Variants in SDK1 observed in about 807,000 individuals in gnomAD.
SDK1 encodes the protein protein sidekick-1.
Under a neutral mutation model 245.5 loss-of-function variants are expected in SDK1, and 157 were observed. The observed-to-expected ratio is 0.64, with a 90% CI of 0.56 to 0.73. The LOEUF is 0.73. Among genes scored for constraint, SDK1 ranks in the 30% least tolerant of loss-of-function variants. The pLI, the probability that SDK1 is intolerant of heterozygous loss-of-function variation, is 0.00. For synonymous variants in SDK1, 1,647 were observed against 1,278.5 expected (o/e 1.29, Z -6.15); for missense variants, 3,583 against 3,002.3 (o/e 1.19, Z -4.52).
intron 14 of SDK1, among the ~76,000 whole-genome samples, chr7:3,987,879 C>T (rs1257928127): frequency 6.6e-6 from 1 of 152,178 alleles, no homozygotes; most frequent in African/African-American, 2.4e-5. Context: ...CTTCTCTTCC[C>T]AGCTGGCTGG....
chr7:3,331,005 G>A (rs915581363), intron 1 of SDK1, among the ~76,000 whole-genome samples: 4 of 151,582 alleles, frequency 2.6e-5, no homozygotes, highest in South Asian at 2.1e-4. Context: ...AGTGGCTCAC[G>A]TCTGTAATCC....
At chr7:3,920,856 G>A (rs913919498) in intron 5 of SDK1, among the ~76,000 whole-genome samples, 11 of 152,176 alleles carry the variant, frequency 7.2e-5, no homozygotes, top group East Asian at 1.9e-4. Flanking sequence ...GATGGATCTC[G>A]CAATTGAGTG....
chr7:3,565,069 A>G (rs1779867549), intron 1 of SDK1, among the ~76,000 whole-genome samples: 1 of 151,732 alleles, frequency 6.6e-6, no homozygotes, highest in Admixed American at 6.6e-5. Flanking sequence ...ATGACAATCC[A>G]GGAGACAGGA....
chr7:3,512,396 C>T (rs1114778), intron 1 of SDK1, among the ~76,000 whole-genome samples: 11 of 151,924 alleles, frequency 7.2e-5, no homozygotes, highest in East Asian at 1.9e-4. Context: ...TCCAAGTTTT[C>T]GCAATTATGA....
At chr7:3,637,569 T>C (rs1250250150) in intron 2 of SDK1, among the ~76,000 whole-genome samples, 1 of 152,236 alleles carries the variant, frequency 6.6e-6, no homozygotes, top group East Asian at 1.9e-4. Flanking sequence ...TACCTATCTT[T>C]ACTTGCTGGT....
intron 1 of SDK1, among the ~76,000 whole-genome samples, chr7:3,477,674 C>G (rs997699897): frequency 6.6e-6 from 1 of 151,954 alleles, no homozygotes; most frequent in African/African-American, 2.4e-5. Flanking sequence ...CTACCACACC[C>G]AGCTAATTTT....
At chr7:3,867,267 A>G (rs1780844293) in intron 5 of SDK1, among the ~76,000 whole-genome samples, 1 of 152,184 alleles carries the variant, frequency 6.6e-6, no homozygotes, top group Admixed American at 6.5e-5. Context: ...AGGAGAGAGA[A>G]AGAGTGGACT....
intron 5 of SDK1, among the ~76,000 whole-genome samples, chr7:3,829,639 C>G (rs1779865930): frequency 6.6e-6 from 1 of 152,106 alleles, no homozygotes. Flanking sequence ...CTCTTGAGGT[C>G]AAAACGTGTC....
chr7:3,794,975 C>T (rs942386923), intron 4 of SDK1, among the ~76,000 whole-genome samples: 1 of 151,846 alleles, frequency 6.6e-6, no homozygotes, highest in Non-Finnish European at 1.5e-5. Context: ...GTTACTATTA[C>T]AGTATTAAGG....
intron 1 of SDK1, among the ~76,000 whole-genome samples, chr7:3,416,013 C>T (rs1183274622): frequency 3.3e-5 from 5 of 152,072 alleles, no homozygotes; most frequent in South Asian, 4.1e-4. Context: ...CCATATGACA[C>T]GACATGCTAA....
intron 35 of SDK1, among the ~76,000 whole-genome samples, chr7:4,192,652 G>T (rs116181206): frequency 1.3e-5 from 2 of 152,116 alleles, no homozygotes; most frequent in Admixed American, 6.5e-5. Context: ...TTATGGTATC[G>T]TAGAAGCATA....
intron 5 of SDK1, among the ~76,000 whole-genome samples, chr7:3,932,025 G>C (rs1779994190): frequency 6.6e-6 from 1 of 152,148 alleles, no homozygotes; most frequent in Non-Finnish European, 1.5e-5. Context: ...TTGATAGTTT[G>C]CACAGTCCAG....
chr7:3,478,430 GA>G (rs2128601109), intron 1 of SDK1, among the ~76,000 whole-genome samples: 1 of 152,012 alleles, frequency 6.6e-6, no homozygotes, highest in South Asian at 2.1e-4. Flanking sequence ...AAATTTTTGA[GA>G]ACATAACTAT....
At chr7:3,635,695 A>T (rs1174651815) in intron 2 of SDK1, among the ~76,000 whole-genome samples, 2 of 151,846 alleles carry the variant, frequency 1.3e-5, no homozygotes, top group Admixed American at 6.6e-5. Flanking sequence ...GTCTTTTCCT[A>T]TTTGAGCTCC....
rs141353419 is a variant in SDK1, at chr7:3,619,155, C to T, written c.374C>T (p.Thr125Ile). Reference protein sequence around the residue: ...IHLEGNRLVLTCLAEGSWPLE... With the variant: ...IHLEGNRLVLICLAEGSWPLE... The stretch of plus-strand genomic sequence containing the variant: ...CTGGAAGGGAACCGCCTTGTTCTCA[C>T]CTGCCTTGCCGAAGGGAGCTGGCCT... Residue 125 changes from threonine (T) to isoleucine (I), a missense_variant, in exon 2 of 45, where the codon ACC becomes ATC. Transcript: ENST00000404826. 2.5e-5 allele frequency: 40 copies of T among 1,613,904 alleles called. No homozygotes were observed. The highest frequency in any genetic ancestry group is 2.0e-4 in the South Asian group (18 of 91,076).
chr7:3,321,405 C>G (rs1185168572), intron 1 of SDK1, among the ~76,000 whole-genome samples: 1 of 152,114 alleles, frequency 6.6e-6, no homozygotes, highest in Admixed American at 6.6e-5. Flanking sequence ...GTTGTACTAC[C>G]TCTGGCTCTA....
At chr7:4,013,985 C>T (rs1422598207) in intron 16 of SDK1, among the ~76,000 whole-genome samples, 1 of 152,256 alleles carries the variant, frequency 6.6e-6, no homozygotes, top group Non-Finnish European at 1.5e-5. Context: ...GTCCCCGCCG[C>T]CTGCGGCCGA....
chr7:3,828,165 C>G (rs1779823853), intron 5 of SDK1, among the ~76,000 whole-genome samples: 1 of 152,136 alleles, frequency 6.6e-6, no homozygotes, highest in East Asian at 1.9e-4. Flanking sequence ...GTAATCCCAG[C>G]TACTCAGGAG....
chr7:3,381,659 G>A (rs1165777108), intron 1 of SDK1, among the ~76,000 whole-genome samples: 1 of 152,172 alleles, frequency 6.6e-6, no homozygotes, highest in African/African-American at 2.4e-5. Flanking sequence ...TTCCAACGGA[G>A]GTGGAAGGGG....
Sources: allele counts gnomAD v4.1 joint callset (sites outside exome capture counted in the v4.1 genomes callset), GRCh38; gene constraint gnomAD v4.1.1; transcripts MANE v1.5; gene names NCBI Gene and HGNC (gene_info 2026-07-23, HGNC 2026-07-21).